GALNTL6: variants seen among roughly 807,000 people sequenced by gnomAD.
GALNTL6 encodes the protein polypeptide N-acetylgalactosaminyltransferase like 6, also known as polypeptide N-acetylgalactosaminyltransferase-like 6.
A neutral mutation model predicts 73.7 loss-of-function variants in GALNTL6; 46 were observed. The observed-to-expected ratio is 0.62, with a 90% CI of 0.49 to 0.80. The LOEUF is 0.80. Ranked by LOEUF, GALNTL6 falls within the 30% of genes least tolerant of loss-of-function variation. GALNTL6 has a pLI of 0.00. For missense variants in GALNTL6, 604 were observed against 755.0 expected, an observed-to-expected ratio of 0.80 and a Z score of 2.34; for synonymous variants, 259 against 263.7, an observed-to-expected ratio of 0.98 and a Z score of 0.17.
chr4:172,583,802 C>T (rs1041620173), intron 5 of GALNTL6, among the ~76,000 whole-genome samples: 4 of 145,524 alleles, frequency 2.7e-5, no homozygotes, highest in Non-Finnish European at 5.9e-5. Flanking sequence ...GAGGCTGAGG[C>T]AGGAGAAACA....
intron 5 of GALNTL6, among the ~76,000 whole-genome samples, chr4:172,778,056 A>T (rs1293082571): frequency 6.6e-6 from 1 of 152,280 alleles, no homozygotes; most frequent in East Asian, 1.9e-4. Flanking sequence ...AGAGGAGCTC[A>T]CAAAAAGGCA....
chr4:172,778,968 C>A (rs1739225965), intron 5 of GALNTL6, among the ~76,000 whole-genome samples: 1 of 151,650 alleles, frequency 6.6e-6, no homozygotes, highest in Non-Finnish European at 1.5e-5. Flanking sequence ...TACTACCACC[C>A]CCCTTCACTC....
At chr4:172,853,442 G>A (rs1743947809) in intron 7 of GALNTL6, among the ~76,000 whole-genome samples, 1 of 152,088 alleles carries the variant, frequency 6.6e-6, no homozygotes, top group African/African-American at 2.4e-5. Flanking sequence ...AAACAGTCTG[G>A]ATGGCCCACA....
chr4:172,065,533 C>A (rs542770141), intron 2 of GALNTL6, among the ~76,000 whole-genome samples: 9 of 152,004 alleles, frequency 5.9e-5, no homozygotes, highest in South Asian at 4.2e-4. Context: ...GTCTTTGTAA[C>A]CTTTGACCTC....
At chr4:172,567,381 TA>T (rs1345102442) in intron 5 of GALNTL6, among the ~76,000 whole-genome samples, 2 of 152,066 alleles carry the variant, frequency 1.3e-5, no homozygotes, top group Non-Finnish European at 2.9e-5. Context: ...AGCCCTGAGA[TA>T]GTCTATGATG....
intron 3 of GALNTL6, among the ~76,000 whole-genome samples, chr4:172,285,064 T>G (rs1739198744): frequency 6.6e-6 from 1 of 152,226 alleles, no homozygotes; most frequent in Non-Finnish European, 1.5e-5. Flanking sequence ...TTAATTCTTC[T>G]GATCTATGAG....
chr4:171,880,354 G>T (rs76728123), intron 2 of GALNTL6, among the ~76,000 whole-genome samples: 4 of 152,202 alleles, frequency 2.6e-5, no homozygotes, highest in African/African-American at 7.2e-5. Context: ...TGCATTAGGC[G>T]TGTGAAGTCT....
At chr4:172,340,706 C>G (rs1490062349) in intron 4 of GALNTL6, among the ~76,000 whole-genome samples, 1 of 152,202 alleles carries the variant, frequency 6.6e-6, no homozygotes, top group African/African-American at 2.4e-5. Flanking sequence ...TATATTTAGG[C>G]TAGGGATAAT....
At chr4:172,491,684 C>T (rs1347122795) in intron 5 of GALNTL6, among the ~76,000 whole-genome samples, 1 of 152,072 alleles carries the variant, frequency 6.6e-6, no homozygotes, top group Admixed American at 6.6e-5. Context: ...TAAGGTTTAT[C>T]TTGTAAACAC....
chr4:172,189,811 A>G (rs928595041), intron 2 of GALNTL6, among the ~76,000 whole-genome samples: 49 of 152,168 alleles, frequency 3.2e-4, no homozygotes, highest in Middle Eastern at 3.4e-3. Flanking sequence ...AGACTATTAC[A>G]ATGATAATAA....
chr4:172,154,996 G>A lies in GALNTL6; in HGVS notation c.139-74660G>A, dbSNP rs995537656. Among the ~76,000 whole-genome samples, 4 of 150,266 alleles carry A rather than the reference G, an allele frequency of 2.7e-5. No individual in the cohort carries two copies. The East Asian group carries it at 6.1e-4, about 23-fold the overall frequency. On this transcript the variant is annotated intron_variant, in intron 2 of 12. Transcript: ENST00000506823. ...AGGTCATTAAATTAATAAGGAAATC[G>A]TATCCTTTTTTTTTTTTTTGAGACG...
chr4:172,016,535 TTAC>T (rs1232059022), intron 2 of GALNTL6, among the ~76,000 whole-genome samples: 2 of 152,170 alleles, frequency 1.3e-5, no homozygotes, highest in Middle Eastern at 3.4e-3. Context: ...CTTGAATTGC[TTAC>T]TAATCAATAA....
chr4:172,159,501 A>T (rs2110786517), intron 2 of GALNTL6, among the ~76,000 whole-genome samples: 1 of 152,320 alleles, frequency 6.6e-6, no homozygotes, highest in East Asian at 1.9e-4. Context: ...TGAGGATGTG[A>T]TGCTTAAGCT....
intron 2 of GALNTL6, among the ~76,000 whole-genome samples, chr4:171,841,757 A>C (rs2110844137): frequency 6.6e-6 from 1 of 152,206 alleles, no homozygotes. Context: ...TTCCAGAAAA[A>C]AACCTTCTAT....
At chr4:172,299,264 CTTT>C (rs1739812866) in intron 3 of GALNTL6, among the ~76,000 whole-genome samples, 1 of 152,048 alleles carries the variant, frequency 6.6e-6, no homozygotes, top group Non-Finnish European at 1.5e-5. Flanking sequence ...CTCTTTTCTT[CTTT>C]ATTAGTCTTG....
chr4:172,123,500 A>ATTT (rs67067629), intron 2 of GALNTL6, among the ~76,000 whole-genome samples: 5,227 of 115,412 alleles, frequency 0.045, 683 homozygotes, highest in African/African-American at 0.16. Flanking sequence ...AAAAGTCATA[A>ATTT]TTTTTTTTTT....
intron 5 of GALNTL6, among the ~76,000 whole-genome samples, chr4:172,352,058 G>T (rs333375): frequency 0.13 from 19,996 of 152,084 alleles, 1,321 homozygotes; most frequent in East Asian, 0.18. Context: ...TACTTAGAAT[G>T]CATATTTACA....
intron 2 of GALNTL6, among the ~76,000 whole-genome samples, chr4:171,965,549 G>A (rs1203310893): frequency 2.6e-5 from 4 of 151,496 alleles, no homozygotes; most frequent in Non-Finnish European, 5.9e-5. Flanking sequence ...CCAGCTACTT[G>A]GTAGGCTGAG....
intron 9 of GALNTL6, among the ~76,000 whole-genome samples, chr4:172,945,614 T>C (rs1403582466): frequency 6.6e-6 from 1 of 152,068 alleles, no homozygotes; most frequent in Admixed American, 6.6e-5. Context: ...AAAAATACAA[T>C]AGAGATATAA....
Sources: allele counts gnomAD v4.1 joint callset (sites outside exome capture counted in the v4.1 genomes callset), GRCh38; gene constraint gnomAD v4.1.1; transcripts MANE v1.5; gene names NCBI Gene and HGNC (gene_info 2026-07-23, HGNC 2026-07-21).